Variants in ZNF536 observed in about 807,000 individuals in gnomAD.
ZNF536 encodes zinc finger protein 536.
Under a neutral mutation model 84.5 loss-of-function variants are expected in ZNF536, and 13 were observed. The ratio of observed to expected loss-of-function variants is 0.15; its 90% CI spans 0.10 to 0.24. ZNF536 has a LOEUF of 0.24. Among genes scored for constraint, ZNF536 ranks in the 10% least tolerant of loss-of-function variants. The pLI is 1.00. For missense variants in ZNF536, 1,536 were observed against 1,747.5 expected (o/e 0.88, Z 2.16); for synonymous variants, 811 against 742.5 (o/e 1.09, Z -1.50).
intron 1 of ZNF536, among the ~76,000 whole-genome samples, chr19:30,401,122 A>T (rs1016493745): frequency 6.6e-6 from 1 of 150,560 alleles, no homozygotes; most frequent in Non-Finnish European, 1.5e-5. Context: ...GCTGCAAAAA[A>T]CTCTCCTTCC....
chr19:30,252,982 G>A (rs1287106439), intron 1 of ZNF536, among the ~76,000 whole-genome samples: 1 of 152,226 alleles, frequency 6.6e-6, no homozygotes, highest in East Asian at 1.9e-4. Context: ...AAATGCTGAT[G>A]ATGATGGTGA....
chr19:30,266,007 C>T (rs932300728), intron 1 of ZNF536, among the ~76,000 whole-genome samples: 1 of 152,092 alleles, frequency 6.6e-6, no homozygotes, highest in African/African-American at 2.4e-5. Context: ...CCTCCTGCTT[C>T]AGCCTCCCAA....
intron 3 of ZNF536, among the ~76,000 whole-genome samples, chr19:30,354,239 A>AG: frequency 6.6e-6 from 1 of 151,976 alleles, no homozygotes; most frequent in Admixed American, 6.6e-5. Context: ...GAGGAGGAGA[A>AG]GGGACATGTG....
intron 2 of ZNF536, among the ~76,000 whole-genome samples, chr19:30,351,397 G>A (rs1183932882): frequency 6.6e-6 from 1 of 152,092 alleles, no homozygotes; most frequent in Non-Finnish European, 1.5e-5. Context: ...TAGAGTTAAG[G>A]GTTCTGATGC....
At position 30,289,349 on chromosome 19, in the gene ZNF536, C is replaced by G. The variant is rs117566750; in HGVS notation, c.-120+5208C>G. ...TAAATTACATGTGTAATTGTACCAT[C>G]GTAACCACTGCTAGTCAGCGACAAC... On this transcript the variant is annotated intron_variant, in intron 2 of 5. Transcript: ENST00000585628. Among the ~76,000 whole-genome samples the G allele has an allele frequency of 4.6e-5, 7 of 152,342 alleles. No individual in the cohort carries two copies. In the East Asian group the frequency reaches 1.2e-3, roughly 25 times the overall value.
chr19:30,678,323 C>A (rs116628068), intron 1 of ZNF536, among the ~76,000 whole-genome samples: 1 of 152,080 alleles, frequency 6.6e-6, no homozygotes, highest in Admixed American at 6.5e-5. Context: ...CAGCAGGGGT[C>A]GGAGAGGCTC....
chr19:30,388,662 T>C (rs2049449336), intron 1 of ZNF536, among the ~76,000 whole-genome samples: 1 of 152,268 alleles, frequency 6.6e-6, no homozygotes, highest in Admixed American at 6.5e-5. Flanking sequence ...CGGTGTTTTC[T>C]TGCATGCCAA....
intron 1 of ZNF536, among the ~76,000 whole-genome samples, chr19:30,603,936 A>G (rs1213238887): frequency 6.6e-6 from 1 of 152,206 alleles, no homozygotes; most frequent in Non-Finnish European, 1.5e-5. Flanking sequence ...CTAAAAATAC[A>G]AAAATTAGCC....
intron 2 of ZNF536, among the ~76,000 whole-genome samples, chr19:30,303,954 G>T (rs2046268671): frequency 6.6e-6 from 1 of 152,146 alleles, no homozygotes; most frequent in Admixed American, 6.5e-5. Flanking sequence ...AAGCACACGT[G>T]CCAGGGAGTT....
intron 2 of ZNF536, among the ~76,000 whole-genome samples, chr19:30,484,207 G>A (rs971926368): frequency 1.3e-5 from 2 of 151,414 alleles, no homozygotes; most frequent in African/African-American, 4.9e-5. Context: ...ATCAGTGTGG[G>A]GTGTTTTCTC....
chr19:30,692,211 C>G (rs951238678), intron 1 of ZNF536, among the ~76,000 whole-genome samples: 1 of 152,242 alleles, frequency 6.6e-6, no homozygotes, highest in African/African-American at 2.4e-5. Flanking sequence ...GGTGCCGACG[C>G]AAGAAACTGC....
chr19:30,580,562 G>C (rs772434033), intron 1 of ZNF536, among the ~76,000 whole-genome samples: 1 of 152,172 alleles, frequency 6.6e-6, no homozygotes, highest in Non-Finnish European at 1.5e-5. Flanking sequence ...GTATGCTGTA[G>C]TGGTGCTGGG....
At chr19:30,307,126 G>C (rs1005682123) in intron 2 of ZNF536, among the ~76,000 whole-genome samples, 20 of 152,032 alleles carry the variant, frequency 1.3e-4, no homozygotes, top group Non-Finnish European at 2.5e-4. Flanking sequence ...TTATTATCTC[G>C]AATTCGCATG....
intron 1 of ZNF536, among the ~76,000 whole-genome samples, chr19:30,570,023 G>A (rs2046488535): frequency 6.6e-6 from 1 of 152,176 alleles, no homozygotes; most frequent in Admixed American, 6.5e-5. Context: ...GCATCCAGGG[G>A]CCAGAGATGC....
At chr19:30,529,967 C>G (rs568397525) in intron 2 of ZNF536, among the ~76,000 whole-genome samples, 1 of 152,224 alleles carries the variant, frequency 6.6e-6, no homozygotes, top group Non-Finnish European at 1.5e-5. Context: ...TGTTTCTCAG[C>G]TGTTTCTCCA....
intron 1 of ZNF536, among the ~76,000 whole-genome samples, chr19:30,431,615 T>A (rs2051462366): frequency 6.6e-6 from 1 of 152,238 alleles, no homozygotes; most frequent in East Asian, 1.9e-4. Flanking sequence ...ATCTGAGGCC[T>A]CTGTGAAATG....
intron 2 of ZNF536, among the ~76,000 whole-genome samples, chr19:30,469,833 G>A (rs539065257): frequency 2.0e-4 from 31 of 152,260 alleles, no homozygotes; most frequent in African/African-American, 7.5e-4. Flanking sequence ...TGGAATCTCG[G>A]TGCAGGTTGT....
intron 1 of ZNF536, among the ~76,000 whole-genome samples, chr19:30,697,651 G>A (rs959636003): frequency 1.9e-4 from 29 of 152,204 alleles, no homozygotes; most frequent in Non-Finnish European, 3.5e-4. Context: ...AGGCAGATAC[G>A]TTAGAGCCTT....
At chr19:30,352,127 T>C (rs1480028881) in intron 2 of ZNF536, among the ~76,000 whole-genome samples, 1 of 152,154 alleles carries the variant, frequency 6.6e-6, no homozygotes, top group Non-Finnish European at 1.5e-5. Context: ...CTGATAAATA[T>C]AAGCTTTTAT....
Sources: gnomAD v4.1 joint callset for allele counts (sites outside exome capture counted in the v4.1 genomes callset) on GRCh38, gnomAD v4.1.1 for gene constraint, MANE v1.5 for transcripts, NCBI Gene and HGNC (gene_info 2026-07-23, HGNC 2026-07-21) for gene names.